LHX4: variants seen among roughly 807,000 people sequenced by gnomAD.
LHX4 encodes LIM homeobox 4.
A neutral mutation model predicts 39.2 loss-of-function variants in LHX4; 16 were observed. The observed-to-expected ratio is 0.41, with a 90% confidence interval of 0.28 to 0.62. The LOEUF is 0.62. Ranked by LOEUF, LHX4 falls within the 20% of genes least tolerant of loss-of-function variation. LHX4 has a pLI of 0.33. For synonymous variants in LHX4, 206 were observed against 198.1 expected, an observed-to-expected ratio of 1.04 and a Z score of -0.33; for missense variants, 439 against 511.9, an observed-to-expected ratio of 0.86 and a Z score of 1.37.
chr1:180,268,432 G>A (rs1480004889), intron 3 of LHX4, among the ~76,000 whole-genome samples: 2 of 152,178 alleles, frequency 1.3e-5, no homozygotes, highest in Admixed American at 6.5e-5. Context: ...CAGTTTTATC[G>A]AGGAATATTT....
chr1:180,238,161 C>T (rs1185787529), intron 1 of LHX4, among the ~76,000 whole-genome samples: 1 of 152,236 alleles, frequency 6.6e-6, no homozygotes, highest in South Asian at 2.1e-4. Context: ...ATGATAACAT[C>T]GAAATTATCT....
At chr1:180,268,441 T>A (rs1159741912) in intron 3 of LHX4, among the ~76,000 whole-genome samples, 1 of 152,134 alleles carries the variant, frequency 6.6e-6, no homozygotes, top group African/African-American at 2.4e-5. Context: ...CGAGGAATAT[T>A]TGCACCACAG....
chr1:180,266,165 ACT>A lies in LHX4; in HGVS notation c.249-224_249-223del, dbSNP rs1272008935. On this transcript the variant is annotated intron_variant, in intron 2 of 5. Transcript: ENST00000263726. This position sits in a 1 kb window ranked among gnomAD's most constrained non-coding sequence, Gnocchi z 5.7. The stretch of plus-strand genomic sequence containing the variant: ...GCTTTGGAAAAGGTACCTGAGGGAG[ACT>A]CTAGTTCTCATCAGTCCCTTCTTTG... Among the ~76,000 whole-genome samples the A allele has an allele frequency of 2.0e-5, 3 of 151,890 alleles. No individual in the cohort carries two copies. The highest frequency in any genetic ancestry group is 4.4e-5 in the Non-Finnish European group (3 of 67,938).
chr1:180,257,765 A>T (rs6661125), intron 2 of LHX4, among the ~76,000 whole-genome samples: 2 of 152,070 alleles, frequency 1.3e-5, no homozygotes, highest in Non-Finnish European at 2.9e-5. Flanking sequence ...TTTCCTCAGG[A>T]CGGTGCACCG....
In LHX4 at chr1:180,274,468, C is replaced by T; in HGVS notation, c.1062C>T (p.Ala354=). The change falls in exon 6 of 6, where the codon GCC becomes GCT. Residue 354 remains alanine, a synonymous_variant. Coordinates refer to ENST00000263726, the MANE Select transcript of LHX4 (RefSeq NM_033343.4). ...AGQGVSQTLR[A]MAGGPTSDIS... ...AGGGAGTAAGCCAGACGCTGAGAGC[C>T]ATGGCTGGGGGACCCACCTCTGACA... 2.5e-6 allele frequency: 4 copies of T among 1,614,114 alleles called. No homozygotes were observed. Among genetic ancestry groups the T allele is most frequent in the Non-Finnish European group, 3.4e-6 (4 of 1,180,032 alleles).
In LHX4 at chr1:180,240,788, C is replaced by T. The variant is rs564131894; in HGVS notation, c.77-7497C>T. ...TCTTCCACTTCCCAGCTTTCGGAAA[C>T]CATTAATGGAGGAATTTGGGGATTT... On this transcript the variant is annotated intron_variant, in intron 1 of 5. Coordinates refer to ENST00000263726, the MANE Select transcript of LHX4 (RefSeq NM_033343.4). 4.6e-5 allele frequency among the ~76,000 whole-genome samples: 7 copies of T among 152,286 alleles called. No homozygotes were observed. The South Asian group carries it at 6.2e-4, about 14-fold the overall frequency.
chr1:180,269,312 G>A (rs533607707), intron 3 of LHX4, among the ~76,000 whole-genome samples: 31 of 152,220 alleles, frequency 2.0e-4, no homozygotes, highest in African/African-American at 7.5e-4. Context: ...TCCTCATAGC[G>A]TTTTGTCACA....
rs372952844 is a variant in LHX4 at position 180,274,428 on chromosome 1, T to C, written c.1022T>C (p.Ile341Thr). The change falls in exon 6 of 6, where the codon ATT (isoleucine) becomes ACT (threonine). Residue 341 changes from isoleucine (I) to threonine (T), a missense_variant. Coordinates refer to ENST00000263726, the MANE Select transcript of LHX4 (RefSeq NM_033343.4). ...ACGGTGGACAGTAATTTGGGCATCATTGCGCATGCAGGGCAGGGAGTAAGC... is the reference window on the plus strand; with the variant it reads ...ACGGTGGACAGTAATTTGGGCATCACTGCGCATGCAGGGCAGGGAGTAAGC... The part of the protein sequence containing the change: ...DYTVDSNLGI[I>T]AHAGQGVSQT... 3.5e-5 allele frequency: 56 copies of C among 1,614,194 alleles called. No homozygotes were observed. Among genetic ancestry groups the C allele is most frequent in the African/African-American group, 2.7e-4 (20 of 75,064 alleles).
At chr1:180,267,976 A>C (rs2149263851) in intron 3 of LHX4, among the ~76,000 whole-genome samples, 1 of 151,058 alleles carries the variant, frequency 6.6e-6, no homozygotes, top group South Asian at 2.1e-4. Flanking sequence ...CCCTCCCACC[A>C]CCCCCACAGC....
chr1:180,273,942 AT>A, intron 5 of LHX4: 1 of 559,156 alleles, frequency 1.8e-6, no homozygotes, highest in Non-Finnish European at 3.2e-6. Context: ...CTCACCAAAC[AT>A]TTGTCCATCC....
chr1:180,232,209 G>A lies in LHX4; in HGVS notation c.76+1604G>A, dbSNP rs1217509242. 1.3e-5 allele frequency among the ~76,000 whole-genome samples: 2 copies of A among 152,166 alleles called. No individual in the cohort carries two copies. The highest frequency in any genetic ancestry group is 2.9e-5 in the Non-Finnish European group (2 of 68,034). ...CGAGTGAGGAGACTGCATGAGTGGG[G>A]GAAGGGTGTGTGTGTGTTACTAGTG... On this transcript the variant is annotated intron_variant, in intron 1 of 5. Coordinates refer to ENST00000263726, the MANE Select transcript of LHX4 (RefSeq NM_033343.4). This position sits in a 1 kb window ranked among gnomAD's most constrained non-coding sequence, Gnocchi z 5.4.
chr1:180,267,531 C>T (rs1057063061), intron 3 of LHX4, among the ~76,000 whole-genome samples: 3 of 152,252 alleles, frequency 2.0e-5, no homozygotes, highest in South Asian at 4.1e-4. Flanking sequence ...CTCCCAGATG[C>T]ACCCACATGG....
chr1:180,270,462 G>T, intron 3 of LHX4: 1 of 152,264 alleles, frequency 6.6e-6, no homozygotes. Context: ...TGCTGGGAGA[G>T]GAAACAAACC....
intron 3 of LHX4, chr1:180,270,003 C>G (rs985705462): frequency 6.6e-6 from 1 of 152,262 alleles, no homozygotes; most frequent in Non-Finnish European, 1.5e-5. Flanking sequence ...TGTGTCCCCC[C>G]TCACTGTGTA....
intron 1 of LHX4, among the ~76,000 whole-genome samples, chr1:180,239,878 CT>C (rs1247119613): frequency 1.3e-5 from 2 of 152,212 alleles, no homozygotes; most frequent in African/African-American, 2.4e-5. Context: ...ACAGCCGCCC[CT>C]GGGAGCACTG....
At chr1:180,235,670 C>G (rs771483168) in intron 1 of LHX4, among the ~76,000 whole-genome samples, 1 of 152,166 alleles carries the variant, frequency 6.6e-6, no homozygotes, top group Non-Finnish European at 1.5e-5. Context: ...GCGCTGGAAA[C>G]GTGTCAGGCT....
At position 180,248,348 on chromosome 1, in the gene LHX4, A is replaced by G. The variant is rs1376943343; in HGVS notation, c.140A>G (p.Asp47Gly). The G allele has an allele frequency of 6.2e-7, 1 of 1,614,208 alleles. No individual in the cohort carries two copies. Among genetic ancestry groups the G allele is most frequent in the Non-Finnish European group, 8.5e-7 (1 of 1,180,018 alleles). The change falls in exon 2 of 6, where the codon GAC becomes GGC. Residue 47 changes from aspartate (D) to glycine (G), a missense_variant. By Grantham distance (94) the Asp-to-Gly change is moderately conservative. Transcript: ENST00000263726. ...GACAAGTTCATCCTGAAGGTCCTGG[A>G]CAGACACTGGCACAGCTCCTGCCTC... ...ILDKFILKVL[D>G]RHWHSSCLKC...
At chr1:180,253,740 T>C (rs1647726925) in intron 2 of LHX4, among the ~76,000 whole-genome samples, 1 of 152,138 alleles carries the variant, frequency 6.6e-6, no homozygotes. Context: ...CACTGCCGGG[T>C]TTCAGGCCCT....
chr1:180,253,698 C>T (rs1242639150), intron 2 of LHX4, among the ~76,000 whole-genome samples: 2 of 152,214 alleles, frequency 1.3e-5, no homozygotes, highest in Non-Finnish European at 2.9e-5. Context: ...GTGTGTGACC[C>T]GGGTCCAGCA....
Sources: gnomAD v4.1 joint callset for allele counts (sites outside exome capture counted in the v4.1 genomes callset) on GRCh38, gnomAD v4.1.1 for gene constraint, Gnocchi (gnomAD v3.1) non-coding constraint, MANE v1.5 for transcripts, NCBI Gene and HGNC (gene_info 2026-07-23, HGNC 2026-07-21) for gene names.